MSR1: variants seen among roughly 807,000 people sequenced by gnomAD.
MSR1 encodes macrophage scavenger receptor types I and II.
MSR1 carries 53 observed loss-of-function variants against 47.2 expected under a neutral mutation model. The ratio of observed to expected loss-of-function variants is 1.12; its 90% confidence interval spans 0.90 to 1.41. The LOEUF (loss-of-function observed/expected upper bound fraction) is 1.41, where lower values mean the gene tolerates loss of function less well. Among genes scored for constraint, MSR1 ranks in the 40% most tolerant of loss-of-function variants. The pLI is 0.00. For missense variants in MSR1, 786 were observed against 546.9 expected (o/e 1.44, Z -4.36); for synonymous variants, 239 against 185.6 (o/e 1.29, Z -2.34).
intron 9 of MSR1, among the ~76,000 whole-genome samples, chr8:16,119,240 A>G (rs1049373440): frequency 2.0e-5 from 3 of 152,040 alleles, no homozygotes; most frequent in Non-Finnish European, 2.9e-5. Context: ...GATAATTATT[A>G]TCATTATTTT....
At chr8:16,131,051 AC>A (rs1290529064) in intron 8 of MSR1, among the ~76,000 whole-genome samples, 1 of 152,214 alleles carries the variant, frequency 6.6e-6, no homozygotes, top group Admixed American at 6.5e-5. Context: ...TTGATAAACC[AC>A]CAAAGTGCTT....
intron 8 of MSR1, among the ~76,000 whole-genome samples, chr8:16,134,045 A>AAAGGG (rs1800326515): frequency 6.6e-6 from 1 of 152,146 alleles, no homozygotes; most frequent in African/African-American, 2.4e-5. Context: ...GTTCATCTTC[A>AAAGGG]ATATTTTCTT....
At chr8:16,167,664 C>T (rs1479571150) in intron 4 of MSR1, among the ~76,000 whole-genome samples, 2 of 152,288 alleles carry the variant, frequency 1.3e-5, no homozygotes, top group East Asian at 3.9e-4. Flanking sequence ...TCTGTCCTTA[C>T]CTCATCTCAG....
chr8:16,173,332 C>T (rs954333471), intron 3 of MSR1, among the ~76,000 whole-genome samples: 1 of 152,218 alleles, frequency 6.6e-6, no homozygotes, highest in Admixed American at 6.5e-5. Context: ...GGTGCTGGTA[C>T]TGCAGGCAGT....
chr8:16,147,237 A>C (rs554221678), intron 7 of MSR1, among the ~76,000 whole-genome samples: 2 of 152,218 alleles, frequency 1.3e-5, no homozygotes, highest in Non-Finnish European at 2.9e-5. Flanking sequence ...ATGCATGGAG[A>C]AAGTGTGAAG....
intron 9 of MSR1, among the ~76,000 whole-genome samples, chr8:16,117,226 T>C (rs1799896795): frequency 6.6e-6 from 1 of 152,096 alleles, no homozygotes; most frequent in African/African-American, 2.4e-5. Flanking sequence ...GTGGCAGCAT[T>C]AGATACTCAT....
At chr8:16,125,662 C>T (rs12678503) in intron 8 of MSR1, among the ~76,000 whole-genome samples, 5,731 of 151,978 alleles carry the variant, frequency 0.038, 215 homozygotes, top group East Asian at 0.12. Context: ...AAAACATGAA[C>T]GGAAGGAAAC....
At chr8:16,187,187 C>A (rs1802026692) in intron 1 of MSR1, among the ~76,000 whole-genome samples, 1 of 151,376 alleles carries the variant, frequency 6.6e-6, no homozygotes, top group Non-Finnish European at 1.5e-5. Context: ...AATGATGAAA[C>A]CCTGTCTCTA....
At chr8:16,145,463 C>G (rs930364102) in intron 7 of MSR1, among the ~76,000 whole-genome samples, 1 of 152,152 alleles carries the variant, frequency 6.6e-6, no homozygotes, top group East Asian at 1.9e-4. Context: ...TCAACATTAA[C>G]TTCACAATGA....
intron 4 of MSR1, among the ~76,000 whole-genome samples, chr8:16,165,071 A>G (rs1168506012): frequency 6.6e-6 from 1 of 152,110 alleles, no homozygotes; most frequent in Non-Finnish European, 1.5e-5. Context: ...ACTTTTCTAC[A>G]ACTAAACAAT....
At chr8:16,115,827 T>C (rs972275521) in intron 9 of MSR1, among the ~76,000 whole-genome samples, 2 of 151,766 alleles carry the variant, frequency 1.3e-5, no homozygotes, top group Admixed American at 6.6e-5. Context: ...GAAATTAAGA[T>C]TTAAAAAAAA....
At chr8:16,159,897 G>C (rs996260144) in intron 5 of MSR1, among the ~76,000 whole-genome samples, 1 of 151,856 alleles carries the variant, frequency 6.6e-6, no homozygotes. Flanking sequence ...AGATATCTTC[G>C]AATACAAATC....
rs142392970 is a variant in MSR1 at position 16,148,575 on chromosome 8, G to A, written c.979+1656C>T. Among the ~76,000 whole-genome samples the A allele has an allele frequency of 1.5e-3, 225 of 152,070 alleles. 2 individuals are homozygous for A. Among genetic ancestry groups the A allele is most frequent in the African/African-American group, 5.2e-3 (217 of 41,502 alleles). ...GGGTTCAAGTGATCCTCCCACCTCA[G>A]CCTCCTGAATAGGATGCCACCATGC... is the stretch of plus-strand genomic sequence containing the variant. On this transcript the variant is annotated intron_variant, in intron 7 of 9. Transcript: ENST00000262101.
intron 8 of MSR1, among the ~76,000 whole-genome samples, chr8:16,132,835 C>G (rs144216922): frequency 1.5e-4 from 22 of 148,218 alleles, no homozygotes; most frequent in Admixed American, 6.1e-4. Flanking sequence ...GAGAGGGCAT[C>G]ATTATCTTGT....
At chr8:16,155,295 G>A in intron 5 of MSR1, 151 bp from the exon 6 acceptor site, 1 of 648,070 alleles carries the variant, frequency 1.5e-6, no homozygotes, top group Non-Finnish European at 2.7e-6. Flanking sequence ...ATGAATGGAG[G>A]AGTATTCTGC....
chr8:16,171,562 C>G (rs1801488348), intron 3 of MSR1, among the ~76,000 whole-genome samples: 1 of 152,038 alleles, frequency 6.6e-6, no homozygotes, highest in African/African-American at 2.4e-5. Context: ...GGTTGACAGC[C>G]TCATCCATGC....
At chr8:16,144,107 A>G (rs1800633956) in intron 7 of MSR1, among the ~76,000 whole-genome samples, 1 of 152,076 alleles carries the variant, frequency 6.6e-6, no homozygotes, top group South Asian at 2.1e-4. Flanking sequence ...AGATCCTTGG[A>G]GCGTTCACAT....
intron 1 of MSR1, among the ~76,000 whole-genome samples, chr8:16,185,065 C>T (rs1171593668): frequency 1.3e-5 from 2 of 151,818 alleles, no homozygotes. Flanking sequence ...TACATTTGTG[C>T]ACCATGGGAA....
At chr8:16,149,970 G>T (rs1387432939) in intron 7 of MSR1, among the ~76,000 whole-genome samples, 1 of 151,152 alleles carries the variant, frequency 6.6e-6, no homozygotes, top group Non-Finnish European at 1.5e-5. Context: ...GACTTTCCTC[G>T]GGTGAACAGA....
Sources: gnomAD v4.1 joint callset for allele counts (sites outside exome capture counted in the v4.1 genomes callset) on GRCh38, gnomAD v4.1.1 for gene constraint, MANE v1.5 for transcripts, NCBI Gene and HGNC (gene_info 2026-07-23, HGNC 2026-07-21) for gene names.